The following GRIA1 variants were observed in gnomAD, a reference collection of about 807,000 sequenced individuals.
GRIA1 encodes glutamate ionotropic receptor AMPA type subunit 1.
Under a neutral mutation model 99.2 loss-of-function variants are expected in GRIA1, and 31 were observed. The ratio of observed to expected loss-of-function variants is 0.31; its 90% CI spans 0.23 to 0.42. The LOEUF (loss-of-function observed/expected upper bound fraction) is 0.42. Ranked by LOEUF, GRIA1 falls within the 10% of genes least tolerant of loss-of-function variation. GRIA1 has a pLI of 1.00. For synonymous variants in GRIA1, 438 were observed against 432.4 expected (o/e 1.01, Z -0.16); for missense variants, 782 against 1,157.5 (o/e 0.68, Z 4.71).
At chr5:153,618,493 G>T (rs574849280) in intron 2 of GRIA1, among the ~76,000 whole-genome samples, 1 of 152,290 alleles carries the variant, frequency 6.6e-6, no homozygotes, top group South Asian at 2.1e-4. Flanking sequence ...CAGCAGGTGG[G>T]TGTAGACTGG....
At chr5:153,520,294 A>G (rs1157035727) in intron 2 of GRIA1, among the ~76,000 whole-genome samples, 1 of 152,208 alleles carries the variant, frequency 6.6e-6, no homozygotes, top group African/African-American at 2.4e-5. Flanking sequence ...CACAGAGGTG[A>G]ATGTGCTGGC....
intron 13 of GRIA1, among the ~76,000 whole-genome samples, chr5:153,779,159 T>C (rs1184430454): frequency 1.3e-5 from 2 of 152,228 alleles, no homozygotes; most frequent in Non-Finnish European, 2.9e-5. Context: ...TGCCCTGTGA[T>C]GGTCATACAT....
chr5:153,801,097 G>A (rs1430689315), intron 14 of GRIA1, among the ~76,000 whole-genome samples: 1 of 152,262 alleles, frequency 6.6e-6, no homozygotes, highest in African/African-American at 2.4e-5. Context: ...AGTAGTTAAA[G>A]ATGTTCTTTT....
chr5:153,668,152 C>G (rs1314154033), intron 5 of GRIA1, among the ~76,000 whole-genome samples: 2 of 151,812 alleles, frequency 1.3e-5, no homozygotes, highest in Non-Finnish European at 2.9e-5. Context: ...TGTTTTACCT[C>G]CTACAGTGGA....
intron 2 of GRIA1, among the ~76,000 whole-genome samples, chr5:153,514,268 C>T (rs950022630): frequency 1.3e-5 from 2 of 152,208 alleles, no homozygotes; most frequent in Non-Finnish European, 2.9e-5. Flanking sequence ...ATTATCCAGA[C>T]CAATGTCACA....
intron 8 of GRIA1, among the ~76,000 whole-genome samples, chr5:153,689,068 G>A (rs1019468883): frequency 2.0e-5 from 3 of 150,928 alleles, no homozygotes; most frequent in Non-Finnish European, 4.4e-5. Flanking sequence ...TCGCTCTCTT[G>A]CCCAGGCTGG....
chr5:153,780,173 C>G (rs1253994453), intron 13 of GRIA1, among the ~76,000 whole-genome samples: 1 of 152,080 alleles, frequency 6.6e-6, no homozygotes, highest in Admixed American at 6.5e-5. Context: ...TTCAGACTTG[C>G]TAGGTCTTTT....
At chr5:153,724,341 TCTC>T (rs1360662664) in intron 11 of GRIA1, among the ~76,000 whole-genome samples, 5 of 151,752 alleles carry the variant, frequency 3.3e-5, no homozygotes, top group African/African-American at 1.2e-4. Flanking sequence ...GCAGAGCACC[TCTC>T]CTCCTCCAAA....
chr5:153,782,686 C>T (rs1036408040), intron 13 of GRIA1, among the ~76,000 whole-genome samples: 17 of 152,072 alleles, frequency 1.1e-4, no homozygotes, highest in Admixed American at 5.9e-4. Context: ...TCTTGCCCAT[C>T]CCCAGGGTGA....
intron 2 of GRIA1, among the ~76,000 whole-genome samples, chr5:153,523,018 C>CTCTG (rs1015828918): frequency 3.5e-5 from 5 of 144,470 alleles, no homozygotes; most frequent in Non-Finnish European, 6.0e-5. Flanking sequence ...TTCCTGATAT[C>CTCTG]TCTCTCTCTC....
At chr5:153,609,016 T>A (rs1265936587) in intron 2 of GRIA1, among the ~76,000 whole-genome samples, 1 of 152,202 alleles carries the variant, frequency 6.6e-6, no homozygotes, top group Non-Finnish European at 1.5e-5. Context: ...CTTACTCCTA[T>A]TGGGCAGCCC....
intron 2 of GRIA1, among the ~76,000 whole-genome samples, chr5:153,565,355 CAATAAATCTGTG>C (rs1761521037): frequency 1.3e-5 from 2 of 152,280 alleles, no homozygotes; most frequent in South Asian, 4.1e-4. Context: ...AAAAGTGCTT[CAATAAATCTGTG>C]TTTCTAAGCA....
chr5:153,516,037 G>A (rs1397854805), intron 2 of GRIA1, among the ~76,000 whole-genome samples: 3 of 151,974 alleles, frequency 2.0e-5, no homozygotes, highest in African/African-American at 7.3e-5. Context: ...TGGCTAACAC[G>A]GTGAAACCCT....
At chr5:153,661,458 A>T (rs1755365666) in intron 5 of GRIA1, among the ~76,000 whole-genome samples, 1 of 152,236 alleles carries the variant, frequency 6.6e-6, no homozygotes, top group Non-Finnish European at 1.5e-5. Context: ...ATGAAATCAC[A>T]TCTACCTGTT....
At chr5:153,576,419 G>A (rs1762534217) in intron 2 of GRIA1, among the ~76,000 whole-genome samples, 1 of 152,186 alleles carries the variant, frequency 6.6e-6, no homozygotes, top group African/African-American at 2.4e-5. Context: ...GCACTATCCA[G>A]AGACAGTTTC....
intron 2 of GRIA1, among the ~76,000 whole-genome samples, chr5:153,578,847 G>T (rs1423206544): frequency 6.6e-6 from 1 of 152,176 alleles, no homozygotes; most frequent in Non-Finnish European, 1.5e-5. Flanking sequence ...GGTGGAGATT[G>T]CAGTGAGCCG....
chr5:153,498,010 AG>A (rs771580088), intron 2 of GRIA1, among the ~76,000 whole-genome samples: 5 of 152,304 alleles, frequency 3.3e-5, no homozygotes, highest in Non-Finnish European at 7.3e-5. Context: ...TATCTGCAGA[AG>A]GGGTCACCAA....
intron 8 of GRIA1, among the ~76,000 whole-genome samples, chr5:153,696,017 G>A (rs1424634727): frequency 6.6e-6 from 1 of 152,104 alleles, no homozygotes; most frequent in African/African-American, 2.4e-5. Flanking sequence ...GGAGAGATGG[G>A]GACAGACACA....
intron 11 of GRIA1, among the ~76,000 whole-genome samples, chr5:153,763,196 A>G (rs1763295334): frequency 6.6e-6 from 1 of 152,198 alleles, no homozygotes; most frequent in Non-Finnish European, 1.5e-5. Context: ...ATCAAGGTAA[A>G]GTGAAGTGTC....
Sources: gnomAD v4.1 joint callset for allele counts (sites outside exome capture counted in the v4.1 genomes callset) on GRCh38, gnomAD v4.1.1 for gene constraint, MANE v1.5 for transcripts, NCBI Gene and HGNC (gene_info 2026-07-23, HGNC 2026-07-21) for gene names.